Variants in ARHGAP20 observed in about 807,000 individuals in gnomAD.
ARHGAP20 encodes Rho GTPase activating protein 20, also known as rho GTPase-activating protein 20.
ARHGAP20 carries 34 observed loss-of-function variants against 73.7 expected under a neutral mutation model. That is an observed-to-expected ratio of 0.46 (90% CI 0.35 to 0.61). The LOEUF (loss-of-function observed/expected upper bound fraction) is 0.61. ARHGAP20 is among the 20% of genes least tolerant of loss of function. ARHGAP20 has a pLI of 0.00. For synonymous variants in ARHGAP20, 523 were observed against 518.2 expected, an observed-to-expected ratio of 1.01 and a Z score of -0.13; for missense variants, 1,314 against 1,420.9, an observed-to-expected ratio of 0.92 and a Z score of 1.21.
At chr11:110,611,999 T>A (rs1177783679) in intron 6 of ARHGAP20, among the ~76,000 whole-genome samples, 1 of 152,104 alleles carries the variant, frequency 6.6e-6, no homozygotes, top group Non-Finnish European at 1.5e-5. Context: ...AACCAATGAG[T>A]CTAGAAAAAA....
At chr11:110,625,026 ATTTTTATTT>A (rs1565445286) in intron 3 of ARHGAP20, among the ~76,000 whole-genome samples, 48 of 112,524 alleles carry the variant, frequency 4.3e-4, no homozygotes, top group African/African-American at 1.3e-3. Flanking sequence ...TTTTATTTTT[ATTTTTATTT>A]TTTTTTTTTT....
chr11:110,662,131 C>T (rs1026603779), intron 2 of ARHGAP20, among the ~76,000 whole-genome samples: 32 of 150,990 alleles, frequency 2.1e-4, no homozygotes, highest in East Asian at 5.8e-4. Flanking sequence ...TTTTTGTTTA[C>T]GTAAGAAATA....
chr11:110,622,191 C>T (rs1331497041), intron 4 of ARHGAP20, among the ~76,000 whole-genome samples: 1 of 152,178 alleles, frequency 6.6e-6, no homozygotes, highest in African/African-American at 2.4e-5. Context: ...TTGTCCTACA[C>T]CATGATGTAA....
chr11:110,679,423 A>AT (rs1368100573), intron 2 of ARHGAP20, among the ~76,000 whole-genome samples: 1 of 152,184 alleles, frequency 6.6e-6, no homozygotes, highest in Non-Finnish European at 1.5e-5. Flanking sequence ...CCAAAACGAC[A>AT]TGATAACAAG....
intron 2 of ARHGAP20, among the ~76,000 whole-genome samples, chr11:110,653,335 C>T (rs2135020306): frequency 6.6e-6 from 1 of 152,160 alleles, no homozygotes; most frequent in South Asian, 2.1e-4. Flanking sequence ...TGACAAAGGT[C>T]TAATATCCAG....
chr11:110,648,268 AAT>A (rs1294352619), intron 2 of ARHGAP20, among the ~76,000 whole-genome samples: 9 of 137,794 alleles, frequency 6.5e-5, no homozygotes, highest in African/African-American at 2.2e-4. Flanking sequence ...TATATATGTA[AAT>A]ATATATATGC....
At chr11:110,614,043 C>A (rs1345454765) in intron 6 of ARHGAP20, among the ~76,000 whole-genome samples, 2 of 152,144 alleles carry the variant, frequency 1.3e-5, no homozygotes, top group East Asian at 3.9e-4. Flanking sequence ...AAATGCTGAT[C>A]CCTTAAAAAT....
At chr11:110,637,001 G>A (rs1035069864) in intron 2 of ARHGAP20, among the ~76,000 whole-genome samples, 5 of 151,924 alleles carry the variant, frequency 3.3e-5, no homozygotes, top group Non-Finnish European at 1.5e-5. Context: ...CAGAGTCTAG[G>A]AATTCACCTG....
chr11:110,712,054 G>T (rs1405643634), intron 1 of ARHGAP20, 73 bp downstream of exon 1: 14 of 1,246,192 alleles, frequency 1.1e-5, no homozygotes, highest in Non-Finnish European at 1.0e-6. Flanking sequence ...CTGCTGTGGC[G>T]GGCGCGGAGG....
intron 2 of ARHGAP20, among the ~76,000 whole-genome samples, chr11:110,643,245 G>A (rs949599665): frequency 1.3e-5 from 2 of 151,886 alleles, no homozygotes; most frequent in Admixed American, 6.6e-5. Context: ...CTGGTCTTTT[G>A]TATAGATTTT....
In ARHGAP20 at chr11:110,678,839, T is replaced by A. The variant is rs1949983975; in HGVS notation, c.188+11708A>T. On this transcript the variant is annotated intron_variant, in intron 2 of 14. Coordinates refer to ENST00000683387, the MANE Select transcript of ARHGAP20 (RefSeq NM_001384657.1). ...ACCATGCCCAGATAATTTTCACATT[T>A]TTTTTTGTAGAAACAGGGTTTTACC... 2.0e-5 allele frequency among the ~76,000 whole-genome samples: 3 copies of A among 152,162 alleles called. No individual in the cohort carries two copies. The South Asian group carries it at 6.2e-4, about 32-fold the overall frequency.
At chr11:110,680,814 T>TA (rs1950023503) in intron 2 of ARHGAP20, among the ~76,000 whole-genome samples, 1 of 152,118 alleles carries the variant, frequency 6.6e-6, no homozygotes, top group African/African-American at 2.4e-5. Flanking sequence ...TTTTAAATAG[T>TA]ATGAAAAGTA....
rs1948237365 is a variant in ARHGAP20, at chr11:110,606,629, A to G, written c.896T>C (p.Leu299Pro). ...NLQEPFLMEQ[L>P]PREMQCQFIL... ...GAACTGGCACTGCATCTCTCGGGGG[A>G]GCTGTTCCATAAGGAAGGGCTCCTG... is the stretch of plus-strand genomic sequence containing the variant. The change falls in exon 9 of 15, where the codon CTC (leucine) becomes CCC (proline). Residue 299 changes from leucine (L) to proline (P), a missense_variant. Transcript: ENST00000683387. 3.7e-6 allele frequency: 6 copies of G among 1,610,654 alleles called. No individual in the cohort carries two copies. The highest frequency in any genetic ancestry group is 5.1e-6 in the Non-Finnish European group (6 of 1,178,928).
chr11:110,585,453 G>C (rs1947637144), intron 12 of ARHGAP20, among the ~76,000 whole-genome samples: 1 of 151,240 alleles, frequency 6.6e-6, no homozygotes, highest in Non-Finnish European at 1.5e-5. Flanking sequence ...TTCTACTGGT[G>C]AAAGTTGTAG....
rs1947315467 is a variant in ARHGAP20 at position 110,577,454 on chromosome 11, T to G, written c.*1916A>C. 1 of 1,064,482 alleles carries G rather than the reference T, an allele frequency of 9.4e-7. No individual in the cohort carries two copies. Among genetic ancestry groups the G allele is most frequent in the South Asian group, 4.6e-5 (1 of 21,916 alleles). 65.9% of individuals were successfully genotyped at this position (1,064,482 alleles called of 1,614,324 possible). A position where few individuals can be genotyped will look rare whatever the true frequency, so the allele number is the denominator to read the frequency against. On this transcript the variant is annotated 3_prime_UTR_variant, in exon 15 of 15. Transcript: ENST00000683387. ...CTATGCTTCAAATTGGGTGAATGAT[T>G]TTTTACCTGCTAACATGAAAAAAAA...
intron 1 of ARHGAP20, among the ~76,000 whole-genome samples, chr11:110,700,991 G>A (rs1950437908): frequency 6.6e-6 from 1 of 150,752 alleles, no homozygotes. Flanking sequence ...GTCTATCATT[G>A]TTGGACATTT....
At chr11:110,660,425 A>G (rs1418964673) in intron 2 of ARHGAP20, among the ~76,000 whole-genome samples, 1 of 152,182 alleles carries the variant, frequency 6.6e-6, no homozygotes, top group East Asian at 1.9e-4. Context: ...ATGTGCTGAA[A>G]AAAGATGATT....
intron 2 of ARHGAP20, among the ~76,000 whole-genome samples, chr11:110,684,679 C>A (rs1270605205): frequency 6.6e-6 from 1 of 152,020 alleles, no homozygotes; most frequent in African/African-American, 2.4e-5. Flanking sequence ...TGTCTATCAA[C>A]AGTGGATTAG....
intron 2 of ARHGAP20, among the ~76,000 whole-genome samples, chr11:110,684,934 C>A (rs181792964): frequency 1.7e-4 from 26 of 152,080 alleles, no homozygotes; most frequent in Non-Finnish European, 2.5e-4. Context: ...AAGTGGGGGG[C>A]AAGTCTTGAA....
Sources: allele counts gnomAD v4.1 joint callset (sites outside exome capture counted in the v4.1 genomes callset), GRCh38; gene constraint gnomAD v4.1.1; transcripts MANE v1.5; gene names NCBI Gene and HGNC (gene_info 2026-07-23, HGNC 2026-07-21).